The following DMD variants were observed in gnomAD, a reference collection of about 807,000 sequenced individuals.
DMD encodes dystrophin.
In DMD, 63 loss-of-function variants were observed where a neutral mutation model predicts 330.1. That is an observed-to-expected ratio of 0.19 (90% CI 0.16 to 0.24). The LOEUF is 0.24. DMD is among the 10% of genes least tolerant of loss of function. DMD has a pLI of 1.00. For synonymous variants in DMD, 1,223 were observed against 959.8 expected (o/e 1.27, Z -5.07); for missense variants, 3,344 against 2,684.1 (o/e 1.25, Z -5.43).
intron 69 of DMD, among the ~76,000 whole-genome samples, chrX:31,179,644 C>T (rs2040946126): frequency 8.9e-6 from 1 of 111,770 alleles, no homozygotes; most frequent in African/African-American, 3.2e-5. Flanking sequence ...GTCTTTAATT[C>T]TTAGGCAGAT....
At chrX:32,827,061 C>A (rs1208436393) in intron 4 of DMD, among the ~76,000 whole-genome samples, 1 of 56,449 alleles carries the variant, frequency 1.8e-5, no homozygotes, top group Non-Finnish European at 3.5e-5. Context: ...ATCGCACCCC[C>A]CCCCCACACA....
chrX:33,035,688 C>G (rs775840316), intron 1 of DMD, among the ~76,000 whole-genome samples: 1 of 111,600 alleles, frequency 9.0e-6, no homozygotes, highest in African/African-American at 3.2e-5. Flanking sequence ...GTTAGAGCAG[C>G]CCATGTCATG....
At chrX:31,924,172 A>G (rs1235317020) in intron 47 of DMD, among the ~76,000 whole-genome samples, 1 of 111,877 alleles carries the variant, frequency 8.9e-6, no homozygotes, top group Non-Finnish European at 1.9e-5. Context: ...ATTTGGTTGA[A>G]AAAACATCAC....
intron 44 of DMD, among the ~76,000 whole-genome samples, chrX:32,119,297 G>T (rs2096624837): frequency 9.8e-6 from 1 of 101,751 alleles, no homozygotes; most frequent in African/African-American, 3.7e-5. Flanking sequence ...TCATCCCAGG[G>T]CACTTCACCT....
chrX:32,472,287 C>T lies in DMD; in HGVS notation c.2826G>A (p.Met942Ile), dbSNP rs745868553. The T allele has an allele frequency of 4.1e-6, 5 of 1,210,476 alleles. No homozygotes were observed. Among genetic ancestry groups the T allele is most frequent in the Non-Finnish European group, 5.6e-6 (5 of 895,003 alleles). The change falls in exon 22 of 79, where the codon ATG becomes ATA. Residue 942 changes from methionine to isoleucine, a missense_variant. By Grantham distance (10) the Met-to-Ile change is conservative. Coordinates refer to ENST00000357033, the MANE Select transcript of DMD (RefSeq NM_004006.3). ...TGGCACTCATGGTCTCCTGATAGCG[C>T]ATTGGTGGCAAAGTGTCAAAAACTT... ...LQTIFDTLPPMRYQETMSAIR... is the reference protein window; with the variant it reads ...LQTIFDTLPPIRYQETMSAIR...
chrX:33,063,070 T>A (rs760638616), intron 1 of DMD, among the ~76,000 whole-genome samples: 1 of 112,201 alleles, frequency 8.9e-6, no homozygotes, highest in African/African-American at 3.2e-5. Context: ...ATAGAATATA[T>A]ACTGTTATAA....
At chrX:32,430,584 G>T (rs1159574309) in intron 29 of DMD, among the ~76,000 whole-genome samples, 1 of 111,397 alleles carries the variant, frequency 9.0e-6, no homozygotes, top group African/African-American at 3.3e-5. Context: ...TTAACATAAG[G>T]TCTATCCTCT....
At chrX:33,218,243 T>G (rs1012707020) in intron 1 of DMD, among the ~76,000 whole-genome samples, 3 of 111,598 alleles carry the variant, frequency 2.7e-5, no homozygotes, top group Non-Finnish European at 5.7e-5. Context: ...TAAAAATTTG[T>G]TAAGGCTTTT....
At chrX:31,889,750 C>T (rs1304239617) in intron 47 of DMD, among the ~76,000 whole-genome samples, 1 of 107,461 alleles carries the variant, frequency 9.3e-6, no homozygotes, top group Non-Finnish European at 1.9e-5. Flanking sequence ...CCCTCCCAGC[C>T]GTACTCTAAA....
Position 32,808,994 on chromosome X carries a change from G to C in DMD, c.649+499C>G, listed in dbSNP as rs149688540. Among the ~76,000 whole-genome samples, 875 of 112,044 alleles carry C rather than the reference G, an allele frequency of 7.8e-3. 4 individuals are homozygous for C. Among genetic ancestry groups the C allele is most frequent in the Non-Finnish European group, 0.013 (718 of 53,210 alleles). On this transcript the variant is annotated intron_variant, in intron 7 of 78. Transcript: ENST00000357033. The stretch of plus-strand genomic sequence containing the variant: ...CCTATCAACTAAAGAAGCAGAAAAT[G>C]AGTAACCATCCAACAGAGGATCTCC...
At chrX:31,204,705 C>T (rs765702665) in intron 66 of DMD, among the ~76,000 whole-genome samples, 48 of 112,119 alleles carry the variant, frequency 4.3e-4, no homozygotes, top group African/African-American at 1.6e-3. Context: ...TCACCGCAAC[C>T]TCTGCCTCCC....
intron 30 of DMD, among the ~76,000 whole-genome samples, chrX:32,393,634 A>C (rs2098019663): frequency 9.0e-6 from 1 of 111,416 alleles, no homozygotes; most frequent in Non-Finnish European, 1.9e-5. Context: ...ACATTTGTAT[A>C]ATATGTATTT....
At chrX:32,309,310 A>G (rs2097552052) in intron 42 of DMD, among the ~76,000 whole-genome samples, 1 of 111,610 alleles carries the variant, frequency 9.0e-6, no homozygotes, top group Non-Finnish European at 1.9e-5. Context: ...TTTTGCCTAT[A>G]ATCACATACT....
At chrX:33,294,044 G>T (rs2053551037) in intron 1 of DMD, among the ~76,000 whole-genome samples, 1 of 111,147 alleles carries the variant, frequency 9.0e-6, no homozygotes, top group African/African-American at 3.3e-5. Context: ...AAGAAGAAGA[G>T]AATCACGTAG....
At position 32,749,767 on chromosome X, in the gene DMD, A is replaced by T. The variant is rs6631641; in HGVS notation, c.650-50474T>A. 9.8e-5 allele frequency among the ~76,000 whole-genome samples: 11 copies of T among 112,596 alleles called. No homozygotes were observed. In the East Asian group the frequency reaches 3.1e-3, roughly 31 times the overall value. On this transcript the variant is annotated intron_variant, in intron 7 of 78. Coordinates refer to ENST00000357033, the MANE Select transcript of DMD (RefSeq NM_004006.3). ...GGTAGACACCAAGGCAGAACTACGT[A>T]AAATTATCATGTCTGTAAACAACAA...
At chrX:32,300,754 G>C (rs1314363570) in intron 42 of DMD, among the ~76,000 whole-genome samples, 3 of 110,968 alleles carry the variant, frequency 2.7e-5, no homozygotes, top group Non-Finnish European at 5.7e-5. Context: ...TTAGAGTCAG[G>C]ATACGCTTTA....
At chrX:32,232,324 A>G (rs1257420228) in intron 43 of DMD, among the ~76,000 whole-genome samples, 1 of 111,700 alleles carries the variant, frequency 9.0e-6, no homozygotes, top group Non-Finnish European at 1.9e-5. Context: ...AATTTGTTAA[A>G]TCAATTAAAT....
At chrX:32,390,005 T>C in intron 31 of DMD, 66 bp downstream of exon 31, 1 of 868,597 alleles carries the variant, frequency 1.2e-6, no homozygotes, top group Non-Finnish European at 1.7e-6. Flanking sequence ...AATCAAGTTG[T>C]CCAATATAGA....
At chrX:32,519,295 A>C (rs2046197232) in intron 17 of DMD, among the ~76,000 whole-genome samples, 2 of 109,253 alleles carry the variant, frequency 1.8e-5, no homozygotes, top group Admixed American at 2.0e-4. Context: ...TCAAACTAAA[A>C]GAAACAGAAG....
Sources: gnomAD v4.1 joint callset for allele counts (sites outside exome capture counted in the v4.1 genomes callset) on GRCh38, gnomAD v4.1.1 for gene constraint, MANE v1.5 for transcripts, NCBI Gene and HGNC (gene_info 2026-07-23, HGNC 2026-07-21) for gene names.